The following DDX23 variants were observed in gnomAD, a reference collection of about 807,000 sequenced individuals.
DDX23 encodes the protein DEAD-box helicase 23, also known as probable ATP-dependent RNA helicase DDX23.
DDX23 carries 33 observed loss-of-function variants against 102.7 expected under a neutral mutation model. The ratio of observed to expected loss-of-function variants is 0.32; its 90% CI spans 0.24 to 0.43. The LOEUF is 0.43. Among genes scored for constraint, DDX23 ranks in the 20% least tolerant of loss-of-function variants. DDX23 has a pLI of 1.00. For synonymous variants in DDX23, 352 were observed against 376.0 expected, an observed-to-expected ratio of 0.94 and a Z score of 0.74; for missense variants, 549 against 1,086.6, an observed-to-expected ratio of 0.51 and a Z score of 6.96.
chr12:48,836,239 T>C lies in DDX23; in HGVS notation c.1264A>G (p.Ile422Val), dbSNP rs376175660. Reference protein sequence around the residue: ...KEPTPIQRQAIPIGLQNRDII... With the variant: ...KEPTPIQRQAVPIGLQNRDII... The stretch of plus-strand genomic sequence containing the variant: ...TCACGATTCTGTAGCCCAATGGGAA[T>C]TGCCTGACGCTGTATAGGTGTTGGT... Residue 422 changes from isoleucine to valine, a missense_variant, in exon 11 of 17, where the codon ATT becomes GTT. Ile to Val is a conservative substitution (Grantham distance 29). This residue lies in a region of DDX23 where 270 missense variants were observed against 707.0 expected (regional missense o/e 0.38). Coordinates refer to ENST00000308025, the MANE Select transcript of DDX23 (RefSeq NM_004818.3). This position sits in a 1 kb window ranked among gnomAD's most constrained non-coding sequence, Gnocchi z 6.1. 8.7e-6 allele frequency: 14 copies of C among 1,614,130 alleles called. No homozygotes were observed. Among genetic ancestry groups the C allele is most frequent in the East Asian group, 4.5e-5 (2 of 44,878 alleles).
At chr12:48,837,738 AC>A in intron 6 of DDX23, 81 bp from the exon 7 acceptor site, 1 of 1,574,248 alleles carries the variant, frequency 6.4e-7, no homozygotes, top group Non-Finnish European at 8.6e-7. Context: ...CAGACGAGGA[AC>A]CCCAAATGAA....
At chr12:48,841,056 T>C (rs1012883294) in intron 3 of DDX23, among the ~76,000 whole-genome samples, 2 of 152,186 alleles carry the variant, frequency 1.3e-5, no homozygotes, top group African/African-American at 4.8e-5. Context: ...GTCCTCTGCC[T>C]TGAATTCTAA....
At position 48,831,374 on chromosome 12, in the gene DDX23, G is replaced by A. The variant is rs1938384042; in HGVS notation, c.2065-58C>T. 12 of 1,556,974 alleles carry A rather than the reference G, an allele frequency of 7.7e-6. No individual in the cohort carries two copies. The South Asian group carries it at 1.2e-4, about 16-fold the overall frequency. On this transcript the variant is annotated intron_variant, in intron 15 of 16. Transcript: ENST00000308025. Reference sequence around the variant, plus strand: ...AATGCAATCAAGGAGAGACACAGGAGTTCAGAGGAATGGGACACAGATGAA... The same window carrying A: ...AATGCAATCAAGGAGAGACACAGGAATTCAGAGGAATGGGACACAGATGAA...
At chr12:48,849,379 G>A (rs1282978861) in intron 1 of DDX23, among the ~76,000 whole-genome samples, 3 of 151,934 alleles carry the variant, frequency 2.0e-5, no homozygotes, top group African/African-American at 4.8e-5. Flanking sequence ...AAAATCAGCC[G>A]GAGGCCAGGA....
chr12:48,832,368 C>A lies in DDX23; in HGVS notation c.1955+54G>T, dbSNP rs1383102790. ...GCCCTGCACCTGCACTAAAAAAGTT[C>A]TCAGAGCCATTTTATTCTCCACCCT... On this transcript the variant is annotated intron_variant, in intron 14 of 16. Coordinates refer to ENST00000308025, the MANE Select transcript of DDX23 (RefSeq NM_004818.3). This position sits in a 1 kb window ranked among gnomAD's most constrained non-coding sequence, Gnocchi z 4.4. 3 of 1,596,036 alleles carry A rather than the reference C, an allele frequency of 1.9e-6. No homozygotes were observed. The highest frequency in any genetic ancestry group is 2.7e-5 in the African/African-American group (2 of 74,508).
rs1938368258 is a variant in DDX23 at position 48,830,461 on chromosome 12, G to C, written c.*8C>G. The C allele has an allele frequency of 4.3e-6, 7 of 1,614,014 alleles. No individual in the cohort carries two copies. The highest frequency in any genetic ancestry group is 5.9e-6 in the Non-Finnish European group (7 of 1,179,920). ...GAGATGCCCTCAGCCCACAGGAAGA[G>C]TGCTGTGTCAGGCAAAGATGGTCTC... On this transcript the variant is annotated 3_prime_UTR_variant, in exon 17 of 17. Coordinates refer to ENST00000308025, the MANE Select transcript of DDX23 (RefSeq NM_004818.3). This position sits in a 1 kb window ranked among gnomAD's most constrained non-coding sequence, Gnocchi z 4.9.
Position 48,836,227 on chromosome 12 carries a change from G to A in DDX23, c.1276C>T (p.Leu426=), listed in dbSNP as rs372986765. 4.3e-6 allele frequency: 7 copies of A among 1,614,160 alleles called. No homozygotes were observed. The highest frequency in any genetic ancestry group is 5.9e-6 in the Non-Finnish European group (7 of 1,180,034). ...PIQRQAIPIG[L]QNRDIIGVAE... is the part of the protein sequence containing the mutation. ...ACACCAATGATGTCACGATTCTGTA[G>A]CCCAATGGGAATTGCCTGACGCTGT... The change falls in exon 11 of 17, where the codon CTA becomes TTA. Residue 426 remains leucine, a synonymous_variant. Transcript: ENST00000308025. This position sits in a 1 kb window ranked among gnomAD's most constrained non-coding sequence, Gnocchi z 6.1.
At chr12:48,833,171 G>T (rs1200834221) in intron 13 of DDX23, 106 bp downstream of exon 13, 3 of 1,521,766 alleles carry the variant, frequency 2.0e-6, no homozygotes, top group East Asian at 4.5e-5. Flanking sequence ...TTTTTGTAGA[G>T]ACGGAGTTTC....
intron 3 of DDX23, among the ~76,000 whole-genome samples, chr12:48,842,404 A>C (rs1459563036): frequency 2.6e-5 from 2 of 77,066 alleles, no homozygotes; most frequent in Admixed American, 1.5e-4. Flanking sequence ...GAGGTGGGGG[A>C]GGTCAGCCCC....
chr12:48,837,753 A>T, intron 6 of DDX23, 96 bp from the exon 7 acceptor site: 1 of 1,558,746 alleles, frequency 6.4e-7, no homozygotes, highest in South Asian at 1.2e-5. Context: ...AAATGAAGAA[A>T]AAAAGGGGTA....
chr12:48,834,579 T>TA, intron 11 of DDX23, 82 bp from the exon 12 acceptor site: 1 of 1,352,032 alleles, frequency 7.4e-7, no homozygotes, highest in Non-Finnish European at 1.0e-6. Flanking sequence ...AAGTCACTCT[T>TA]ACGGGGAGCA....
intron 1 of DDX23, among the ~76,000 whole-genome samples, chr12:48,846,063 C>T (rs1269064318): frequency 6.6e-6 from 1 of 152,184 alleles, no homozygotes; most frequent in African/African-American, 2.4e-5. Flanking sequence ...GGCTGGAGTG[C>T]AGTGGTGCAA....
Position 48,836,339 on chromosome 12 carries a change from A to G in DDX23, c.1237-73T>C. Reference sequence around the variant, plus strand: ...ACCTGGGCAACCACTGATAGTAGTAAGCACATCTGCTAGCACAATGGAAGG... The same window carrying G: ...ACCTGGGCAACCACTGATAGTAGTAGGCACATCTGCTAGCACAATGGAAGG... On this transcript the variant is annotated intron_variant, in intron 10 of 16. Coordinates refer to ENST00000308025, the MANE Select transcript of DDX23 (RefSeq NM_004818.3). This position sits in a 1 kb window ranked among gnomAD's most constrained non-coding sequence, Gnocchi z 6.1. 6.5e-7 allele frequency: 1 copy of G among 1,537,996 alleles called. No individual in the cohort carries two copies. Among genetic ancestry groups the G allele is most frequent in the Non-Finnish European group, 9.0e-7 (1 of 1,114,978 alleles).
At chr12:48,848,316 A>AG (rs1326009044) in intron 1 of DDX23, among the ~76,000 whole-genome samples, 1 of 152,138 alleles carries the variant, frequency 6.6e-6, no homozygotes, top group African/African-American at 2.4e-5. Context: ...AACAAAAAAA[A>AG]AAAGAAAACA....
At chr12:48,850,025 G>C (rs1938732178) in intron 1 of DDX23, among the ~76,000 whole-genome samples, 1 of 152,218 alleles carries the variant, frequency 6.6e-6, no homozygotes, top group Non-Finnish European at 1.5e-5. Context: ...AGTTAACTTG[G>C]ATTTTAACTG....
chr12:48,841,413 G>A (rs1373283091), intron 3 of DDX23, among the ~76,000 whole-genome samples: 1 of 152,106 alleles, frequency 6.6e-6, no homozygotes, highest in Non-Finnish European at 1.5e-5. Flanking sequence ...ATTCAGAGAA[G>A]AATCCATAGA....
At position 48,831,945 on chromosome 12, in the gene DDX23, C is replaced by G. The variant is rs2137480458; in HGVS notation, c.2064+133G>C. On this transcript the variant is annotated intron_variant, in intron 15 of 16. Coordinates refer to ENST00000308025, the MANE Select transcript of DDX23 (RefSeq NM_004818.3). Reference sequence around the variant, plus strand: ...TTATTCCCTCAAACCACCCTTCACCCTGGTCCTAACTTGTTGATTGCTGGA... The same window carrying G: ...TTATTCCCTCAAACCACCCTTCACCGTGGTCCTAACTTGTTGATTGCTGGA... 3 of 778,956 alleles carry G rather than the reference C, an allele frequency of 3.9e-6. No homozygotes were observed. The South Asian group carries it at 5.2e-5, about 14-fold the overall frequency. The allele number at this position is 778,956 out of a possible 1,614,324, so 48.3% of individuals were successfully genotyped here. A position where few individuals can be genotyped will look rare whatever the true frequency, so the allele number is the denominator to read the frequency against.
intron 1 of DDX23, among the ~76,000 whole-genome samples, chr12:48,846,521 TG>T (rs1435940406): frequency 2.6e-5 from 4 of 152,196 alleles, no homozygotes; most frequent in African/African-American, 9.7e-5. Flanking sequence ...AGTTTAACTT[TG>T]AGATCTGGAT....
chr12:48,844,767 CG>C (rs1938636300), intron 2 of DDX23, among the ~76,000 whole-genome samples: 1 of 151,626 alleles, frequency 6.6e-6, no homozygotes, highest in Non-Finnish European at 1.5e-5. Flanking sequence ...CAACCGCGCC[CG>C]GCCCCCTCTC....
Sources: allele counts gnomAD v4.1 joint callset (sites outside exome capture counted in the v4.1 genomes callset), GRCh38; gene constraint gnomAD v4.1.1; regional missense constraint gnomAD v4.1.1; non-coding constraint Gnocchi (gnomAD v3.1); transcripts MANE v1.5; gene names NCBI Gene and HGNC (gene_info 2026-07-23, HGNC 2026-07-21).